TTN: variants seen among roughly 807,000 people sequenced by gnomAD.
TTN encodes connectin.
Under a neutral mutation model 3,223.0 loss-of-function variants are expected in TTN, and 1,525 were observed. The ratio of observed to expected loss-of-function variants is 0.47; its 90% CI spans 0.45 to 0.49. TTN has a LOEUF of 0.49. TTN is among the 20% of genes least tolerant of loss of function. The probability of loss-of-function intolerance (pLI) is 0.00; values close to 1 mark genes in which losing one functional copy is unlikely to be tolerated. For synonymous variants in TTN, 14,094 were observed against 15,161.0 expected (o/e 0.93, Z 5.17); for missense variants, 40,786 against 43,424.0 (o/e 0.94, Z 5.40).
chr2:178,606,880 T>C (rs2055014420), intron 278 of TTN, 141 bp downstream of exon 278: 1 of 887,472 alleles, frequency 1.1e-6, no homozygotes, highest in Non-Finnish European at 1.7e-6. Context: ...ATGTTGCTAA[T>C]AGTTTTTTGA....
Position 178,635,620 on chromosome 2 carries a change from GA to G in TTN, c.41703del (p.Pro13902GlnfsTer23), listed in dbSNP as rs758269859. ...AIFACDIAKD[T>X]PNIKWFKGYD... The stretch of plus-strand genomic sequence containing the variant: ...TATCCTTTGAACCACTTAATGTTTG[GA>G]GTATCTTTTGCTATATCACAGGCAA... On this transcript the variant is annotated frameshift_variant, in exon 227 of 363. Coordinates refer to ENST00000589042, the MANE Select transcript of TTN (RefSeq NM_001267550.2). LOFTEE classifies it high-confidence loss of function. 1 of 1,594,320 alleles carries G rather than the reference GA, an allele frequency of 6.3e-7. No homozygotes were observed. The highest frequency in any genetic ancestry group is 8.6e-7 in the Non-Finnish European group (1 of 1,169,368).
intron 1 of TTN, among the ~76,000 whole-genome samples, chr2:178,805,257 T>G (rs1010155606): frequency 4.0e-5 from 6 of 150,222 alleles, no homozygotes; most frequent in Admixed American, 1.3e-4. Context: ...GGCATGAGAA[T>G]TGCTTAAACC....
At position 178,537,411 on chromosome 2, in the gene TTN, C is replaced by T. The variant is rs2154138225; in HGVS notation, c.99796G>A (p.Gly33266Arg). 2 of 1,609,866 alleles carry T rather than the reference C, an allele frequency of 1.2e-6. No homozygotes were observed. The highest frequency in any genetic ancestry group is 2.2e-5 in the East Asian group (1 of 44,758). Reference sequence around the variant, plus strand: ...TTGCTGAGCTGGACTTTGTATTTCCCAGCATGAGTCTTACGTTGGACATTC... The same window carrying T: ...TTGCTGAGCTGGACTTTGTATTTCCTAGCATGAGTCTTACGTTGGACATTC... ...MKNVQRKTHA[G>R]KYKVQLSNVF... Residue 33266 changes from glycine (G) to arginine (R), a missense_variant, in exon 355 of 363, where the codon GGG (glycine) becomes AGG (arginine). Transcript: ENST00000589042.
rs1176982087 is a variant in TTN at position 178,675,108 on chromosome 2, C to T, written c.34543G>A (p.Glu11515Lys). Residue 11515 changes from glutamate (E) to lysine (K), a missense_variant, in exon 150 of 363, where the codon GAG becomes AAG. By Grantham distance (56) the Glu-to-Lys change is moderately conservative (BLOSUM62 1). Transcript: ENST00000589042. The stretch of plus-strand genomic sequence containing the variant: ...TTTTCTTCCACCTTCTTAGGCACCT[C>T]AGGAACTTGAGAGACATTGATTATT... ...KAVAPPAKVP[E>K]VPKKVEEKRI... The T allele has an allele frequency of 6.4e-7, 1 of 1,557,268 alleles. No homozygotes were observed. Among genetic ancestry groups the T allele is most frequent in the Non-Finnish European group, 8.6e-7 (1 of 1,157,562 alleles).
Position 178,549,244 on chromosome 2 carries a change from A to G in TTN, c.92382T>C (p.His30794=). 1 of 1,613,884 alleles carries G rather than the reference A, an allele frequency of 6.2e-7. No homozygotes were observed. Among genetic ancestry groups the G allele is most frequent in the Non-Finnish European group, 8.5e-7 (1 of 1,179,854 alleles). ...CTCCTGCAGCATTTTCAGCCATGAC[A>G]TGGAATTCATACTCATTGCCTTCTG... ...GLTEGNEYEF[H]VMAENAAGVG... is the part of the protein sequence containing the mutation. Residue 30794 remains histidine, a synonymous_variant, in exon 339 of 363, where the codon CAT becomes CAC. Coordinates refer to ENST00000589042, the MANE Select transcript of TTN (RefSeq NM_001267550.2).
intron 241 of TTN, 95 bp from the exon 242 acceptor site, chr2:178,624,826 T>TTC (rs2058789070): frequency 7.0e-7 from 1 of 1,423,610 alleles, no homozygotes. Flanking sequence ...CAGGGCTTTG[T>TTC]TCTGTCCTAA....
rs752903826 is a variant in TTN at position 178,616,522 on chromosome 2, T to C, written c.48269A>G (p.Tyr16090Cys). The change falls in exon 257 of 363, where the codon TAC becomes TGC. Residue 16090 changes from tyrosine (Y) to cysteine (C), a missense_variant. Tyr to Cys is a radical substitution (Grantham distance 194). Transcript: ENST00000589042. ...DDDGGSPLTG[Y>C]VVEKREVSRK... is the part of the protein sequence containing the mutation. ...GCTGACTTCTCGTTTTTCAACAACG[T>C]ATCCAGTTAACGGACTTCCTCCATC... The C allele has an allele frequency of 6.2e-7, 1 of 1,612,446 alleles. No homozygotes were observed.
Position 178,552,221 on chromosome 2 carries a change from TTGA to T in TTN, c.90676_90678del (p.Ser30226del), listed in dbSNP as rs1699720258. ...TCAAATCGAATGGGTCCTTTGGGCT[TTGA>T]TGGTGGGCCAAGGGTGATGACTGTA... On this transcript the variant is annotated inframe_deletion, in exon 335 of 363. Coordinates refer to ENST00000589042, the MANE Select transcript of TTN (RefSeq NM_001267550.2). 1 of 1,613,438 alleles carries T rather than the reference TTGA, an allele frequency of 6.2e-7. No homozygotes were observed. The highest frequency in any genetic ancestry group is 2.2e-5 in the East Asian group (1 of 44,870).
At position 178,719,974 on chromosome 2, in the gene TTN, GC is replaced by G; in HGVS notation, c.23659+8del. 6.3e-7 allele frequency: 1 copy of G among 1,581,302 alleles called. No homozygotes were observed. The highest frequency in any genetic ancestry group is 8.6e-7 in the Non-Finnish European group (1 of 1,163,048). Reference sequence around the variant, plus strand: ...TTGATTTTTTCTCTGGCTGTGCTTTGCTACTAACCTAGTACAGTCAAGACTG... The same window carrying G: ...TTGATTTTTTCTCTGGCTGTGCTTTGTACTAACCTAGTACAGTCAAGACTG... On this transcript the variant is annotated splice_region_variant and intron_variant, in intron 81 of 362. Coordinates refer to ENST00000589042, the MANE Select transcript of TTN (RefSeq NM_001267550.2).
At position 178,727,747 on chromosome 2, in the gene TTN, C is replaced by T; in HGVS notation, c.19831G>A (p.Asp6611Asn). The part of the protein sequence containing the change: ...PPFKIKWFKD[D>N]VELVSGPKCF... Reference sequence around the variant, plus strand: ...TTAGGACCTGAGACAAGTTCCACATCATCCTTAAACCATTTTATTTTAAAT... The same window carrying T: ...TTAGGACCTGAGACAAGTTCCACATTATCCTTAAACCATTTTATTTTAAAT... Residue 6611 changes from aspartate (D) to asparagine (N), a missense_variant, in exon 68 of 363, where the codon GAT becomes AAT. Coordinates refer to ENST00000589042, the MANE Select transcript of TTN (RefSeq NM_001267550.2). The T allele has an allele frequency of 6.2e-7, 1 of 1,613,366 alleles. No individual in the cohort carries two copies. Among genetic ancestry groups the T allele is most frequent in the Non-Finnish European group, 8.5e-7 (1 of 1,179,476 alleles).
In TTN at chr2:178,776,446, C is replaced by A. The variant is rs397517650; in HGVS notation, c.5418G>T (p.Leu1806Phe). ...DEKSLVEESQ[L>F]PEGRKGLQRI... ...TCTGTAAGCCTTTCCTCCCCTCAGG[C>A]AATTGGGATTCTTCCACAAGACTTT... Residue 1806 changes from leucine (L) to phenylalanine (F), a missense_variant, in exon 28 of 363, where the codon TTG (leucine) becomes TTT (phenylalanine). Leu to Phe is a conservative substitution (Grantham distance 22). Transcript: ENST00000589042. 12 of 1,609,010 alleles carry A rather than the reference C, an allele frequency of 7.5e-6. No individual in the cohort carries two copies. The highest frequency in any genetic ancestry group is 2.7e-5 in the African/African-American group (2 of 74,930).
intron 37 of TTN, 81 bp from the exon 38 acceptor site, chr2:178,769,014 T>C: frequency 1.3e-6 from 2 of 1,532,992 alleles, no homozygotes; most frequent in South Asian, 1.2e-5. Context: ...GAATAAAAAT[T>C]TGGAATGTTT....
rs1268660215 is a variant in TTN, at chr2:178,715,832, A to G, written c.25640-58T>C. The G allele has an allele frequency of 2.7e-6, 4 of 1,466,706 alleles. No homozygotes were observed. The South Asian group carries it at 4.2e-5, about 15-fold the overall frequency. The allele number at this position is 1,466,706 out of a possible 1,614,324, so 90.9% of individuals were successfully genotyped here. On this transcript the variant is annotated intron_variant, in intron 88 of 362. Transcript: ENST00000589042. ...GGATGGAACAGATGCATATAATTCA[A>G]GATGAGGTGGAAAAAATAATCTTTG...
intron 34 of TTN, 125 bp from the exon 35 acceptor site, chr2:178,770,800 C>A (rs756506723): frequency 8.2e-7 from 1 of 1,223,320 alleles, no homozygotes; most frequent in Non-Finnish European, 1.2e-6. Context: ...TACAGTTATG[C>A]AGCACCTCTG....
Position 178,740,637 on chromosome 2 carries a change from A to G in TTN, c.12596T>C (p.Val4199Ala), listed in dbSNP as rs1440448517. 2 of 1,613,758 alleles carry G rather than the reference A, an allele frequency of 1.2e-6. No homozygotes were observed. The highest frequency in any genetic ancestry group is 1.7e-6 in the Non-Finnish European group (2 of 1,179,828). Residue 4199 changes from valine (V) to alanine (A), a missense_variant, in exon 48 of 363, where the codon GTT becomes GCT. Coordinates refer to ENST00000589042, the MANE Select transcript of TTN (RefSeq NM_001267550.2). ...AGCTAATAAAGTTTTCAGAGGCTCA[A>G]CTGTTAATGAATTAATTTGTTCTAT... ...MSIEQINSLT[V>A]EPLKTLLAEP...
rs1181902339 is a variant in TTN at position 178,544,236 on chromosome 2, T to G, written c.95993A>C (p.Glu31998Ala). The change falls in exon 345 of 363, where the codon GAA becomes GCA. Residue 31998 changes from glutamate (E) to alanine (A), a missense_variant. Physicochemically the swap from Glu to Ala is moderately radical, Grantham distance 107. Coordinates refer to ENST00000589042, the MANE Select transcript of TTN (RefSeq NM_001267550.2). ...CACGGGCTCAATTTCAGCAATTGAT[T>G]CGCTGTATTCGCTCATACCCTTCAC... is the stretch of plus-strand genomic sequence containing the variant. ...VNVKGMSEYS[E>A]SIAEIEPVER... is the part of the protein sequence containing the mutation. 2 of 1,613,702 alleles carry G rather than the reference T, an allele frequency of 1.2e-6. No individual in the cohort carries two copies. The highest frequency in any genetic ancestry group is 1.7e-6 in the Non-Finnish European group (2 of 1,179,624).
chr2:178,675,749 C>G lies in TTN; in HGVS notation c.34459G>C (p.Val11487Leu). 1 of 1,467,560 alleles carries G rather than the reference C, an allele frequency of 6.8e-7. No homozygotes were observed. Among genetic ancestry groups the G allele is most frequent in the Admixed American group, 2.4e-5 (1 of 42,270 alleles). The allele number at this position is 1,467,560 out of a possible 1,614,324, so 90.9% of individuals were successfully genotyped here. The change falls in exon 149 of 363, where the codon GTG (valine) becomes CTG (leucine). Residue 11487 changes from valine (V) to leucine (L), a missense_variant. By Grantham distance (32) the Val-to-Leu change is conservative. Transcript: ENST00000589042. ...TCTGGCTCAGGTTTCTTAGGTACCACAGACACTTTAAAAATATTATTTTAT... is the reference window on the plus strand; with the variant it reads ...TCTGGCTCAGGTTTCTTAGGTACCAGAGACACTTTAAAAATATTATTTTAT... ...KEEAPPAKVS[V>L]VPKKPEPEKK...
chr2:178,558,369 C>T lies in TTN; in HGVS notation c.87090G>A (p.Leu29030=). Residue 29030 remains leucine (L), a synonymous_variant, in exon 327 of 363, where the codon CTG becomes CTA. Coordinates refer to ENST00000589042, the MANE Select transcript of TTN (RefSeq NM_001267550.2). ...QAGLSDPREL[L]LPVLIKEQLE... The stretch of plus-strand genomic sequence containing the variant: ...GTTGCTCCTTAATAAGAACAGGAAG[C>T]AGAAGCTCTCTCGGGTCACTCAGGC... 1 of 1,613,434 alleles carries T rather than the reference C, an allele frequency of 6.2e-7. No individual in the cohort carries two copies. The highest frequency in any genetic ancestry group is 8.5e-7 in the Non-Finnish European group (1 of 1,179,718).
Position 178,569,791 on chromosome 2 carries a change from C to T in TTN, c.76341G>A (p.Val25447=), listed in dbSNP as rs1367546444. 2 of 1,613,270 alleles carry T rather than the reference C, an allele frequency of 1.2e-6. No homozygotes were observed. Among genetic ancestry groups the T allele is most frequent in the African/African-American group, 2.7e-5 (2 of 74,986 alleles). ...TGCACATTGTCCATTCACCAACACTCACATCACATTTTTCAACAATGTATC... is the reference window on the plus strand; with the variant it reads ...TGCACATTGTCCATTCACCAACACTTACATCACATTTTTCAACAATGTATC... ...IQGYIVEKCD[V]SVGEWTMCTP... Residue 25447 remains valine, a synonymous_variant, in exon 326 of 363, where the codon GTG becomes GTA. Transcript: ENST00000589042.
Sources: gnomAD v4.1 joint callset for allele counts (sites outside exome capture counted in the v4.1 genomes callset) on GRCh38, gnomAD v4.1.1 for gene constraint, MANE v1.5 for transcripts, NCBI Gene and HGNC (gene_info 2026-07-23, HGNC 2026-07-21) for gene names.